CNTN5: variants seen among roughly 807,000 people sequenced by gnomAD.
The protein encoded by CNTN5 is contactin 5.
CNTN5 carries 77 observed loss-of-function variants against 129.1 expected under a neutral mutation model. That is an observed-to-expected ratio of 0.60 (90% CI 0.50 to 0.72). The LOEUF (loss-of-function observed/expected upper bound fraction) is 0.72, where lower values mean the gene tolerates loss of function less well. Ranked by LOEUF, CNTN5 falls within the 30% of genes least tolerant of loss-of-function variation. The pLI is 0.00. For missense variants in CNTN5, 1,478 were observed against 1,328.8 expected, an observed-to-expected ratio of 1.11 and a Z score of -1.75; for synonymous variants, 509 against 465.6, an observed-to-expected ratio of 1.09 and a Z score of -1.20.
intron 3 of CNTN5, among the ~76,000 whole-genome samples, chr11:99,735,007 C>CAAAACA (rs72075479): frequency 0.053 from 8,083 of 151,704 alleles, 324 homozygotes; most frequent in East Asian, 0.18. Flanking sequence ...GACTCCGTCT[C>CAAAACA]AAAACAAAAA....
intron 1 of CNTN5, among the ~76,000 whole-genome samples, chr11:99,023,207 C>T (rs1862962027): frequency 6.6e-6 from 1 of 152,178 alleles, no homozygotes; most frequent in African/African-American, 2.4e-5. Context: ...TGAATCTATA[C>T]ATAGAATATG....
At chr11:99,654,020 A>G (rs1952255393) in intron 3 of CNTN5, among the ~76,000 whole-genome samples, 1 of 152,086 alleles carries the variant, frequency 6.6e-6, no homozygotes, top group African/African-American at 2.4e-5. Flanking sequence ...GTACAAAACA[A>G]AATCAAAAAA....
chr11:100,110,186 A>T (rs1332117099), intron 13 of CNTN5, among the ~76,000 whole-genome samples: 3 of 129,760 alleles, frequency 2.3e-5, no homozygotes, highest in African/African-American at 1.0e-4. Context: ...GACCCTATCT[A>T]AAAAAAAAAA....
At chr11:99,619,327 T>C (rs1157686862) in intron 3 of CNTN5, among the ~76,000 whole-genome samples, 1 of 152,192 alleles carries the variant, frequency 6.6e-6, no homozygotes, top group Non-Finnish European at 1.5e-5. Context: ...GTTTGTAAAA[T>C]GTATTATAAT....
chr11:100,070,095 T>C (rs1337239870), intron 10 of CNTN5, among the ~76,000 whole-genome samples: 1 of 151,352 alleles, frequency 6.6e-6, no homozygotes, highest in Non-Finnish European at 1.5e-5. Flanking sequence ...GAAAGAGCAA[T>C]TGACTCTAGT....
chr11:100,111,779 T>A (rs989651771), intron 13 of CNTN5, among the ~76,000 whole-genome samples: 5 of 152,172 alleles, frequency 3.3e-5, no homozygotes, highest in African/African-American at 1.2e-4. Flanking sequence ...GCCTGTTGAT[T>A]AATATCTCCC....
intron 8 of CNTN5, among the ~76,000 whole-genome samples, chr11:99,966,495 C>G (rs767907138): frequency 3.9e-5 from 6 of 152,146 alleles, no homozygotes; most frequent in Admixed American, 6.5e-5. Context: ...AGAATGGTCA[C>G]CTTGGAGGGT....
intron 3 of CNTN5, among the ~76,000 whole-genome samples, chr11:99,710,205 C>T (rs1954915584): frequency 6.6e-6 from 1 of 151,658 alleles, no homozygotes; most frequent in African/African-American, 2.4e-5. Flanking sequence ...CTAGGGTCAC[C>T]GCTGTTGTTG....
At chr11:99,196,274 T>C (rs1211815282) in intron 1 of CNTN5, among the ~76,000 whole-genome samples, 1 of 151,980 alleles carries the variant, frequency 6.6e-6, no homozygotes, top group Non-Finnish European at 1.5e-5. Context: ...ATGGCACATA[T>C]TTTTACAATT....
chr11:99,589,588 T>A lies in CNTN5; in HGVS notation c.55+33319T>A, dbSNP rs1425550248. ...TAGTGAATACACATGTTAGTTCAAG[T>A]CACAAATTCCTTCCTATAAATATTT... On this transcript the variant is annotated intron_variant, in intron 3 of 24. Transcript: ENST00000524871. Among the ~76,000 whole-genome samples the A allele has an allele frequency of 3.9e-5, 6 of 152,308 alleles. No individual in the cohort carries two copies. The East Asian group carries it at 1.2e-3, about 29-fold the overall frequency.
At chr11:100,356,023 T>C (rs1952514616) in intron 24 of CNTN5, 94 bp from the exon 25 acceptor site, 3 of 765,742 alleles carry the variant, frequency 3.9e-6, no homozygotes, top group Non-Finnish European at 6.9e-6. Flanking sequence ...AGGAGCGATC[T>C]TGCACTCATT....
chr11:100,117,398 T>C (rs1945876154), intron 13 of CNTN5, among the ~76,000 whole-genome samples: 1 of 152,060 alleles, frequency 6.6e-6, no homozygotes, highest in Admixed American at 6.6e-5. Flanking sequence ...TAGTGTCTTA[T>C]TTATGTTATG....
At chr11:100,041,146 C>G (rs747760586) in intron 9 of CNTN5, among the ~76,000 whole-genome samples, 16 of 152,124 alleles carry the variant, frequency 1.1e-4, no homozygotes, top group African/African-American at 3.4e-4. Context: ...TAAATACACT[C>G]TTTTTCTCTC....
chr11:99,709,409 C>T (rs78151292), intron 3 of CNTN5, among the ~76,000 whole-genome samples: 43,488 of 151,438 alleles, frequency 0.29, 6,288 homozygotes, highest in South Asian at 0.34. Flanking sequence ...TTGAAAGTCT[C>T]AGTCTGTTTA....
intron 1 of CNTN5, among the ~76,000 whole-genome samples, chr11:99,220,543 C>G (rs1380422827): frequency 6.6e-6 from 1 of 151,736 alleles, no homozygotes; most frequent in African/African-American, 2.4e-5. Context: ...TAAATAAATG[C>G]AAGATCAAAA....
chr11:100,155,666 T>C (rs146655571), intron 13 of CNTN5, among the ~76,000 whole-genome samples: 1 of 152,098 alleles, frequency 6.6e-6, no homozygotes, highest in East Asian at 1.9e-4. Context: ...GGAATGTTTT[T>C]CCATTTGTTT....
chr11:99,679,476 G>A (rs757470891), intron 3 of CNTN5, among the ~76,000 whole-genome samples: 3 of 149,526 alleles, frequency 2.0e-5, no homozygotes, highest in Non-Finnish European at 2.9e-5. Flanking sequence ...TGTCTCTTAA[G>A]GAGATCTTTG....
chr11:100,060,640 C>CTTTTTTTTT (rs10700520), intron 9 of CNTN5, among the ~76,000 whole-genome samples: 2 of 137,422 alleles, frequency 1.5e-5, no homozygotes. Context: ...AATTTTTTTT[C>CTTTTTTTTT]TTTTTTTTTT....
At position 100,112,375 on chromosome 11, in the gene CNTN5, T is replaced by C. The variant is rs191091817; in HGVS notation, c.1580+38081T>C. On this transcript the variant is annotated intron_variant, in intron 13 of 24. Transcript: ENST00000524871. Reference sequence around the variant, plus strand: ...TGTTTTTTTACTGAAGCATAGTGCATATCACTGATGATATAAACACTGATA... The same window carrying C: ...TGTTTTTTTACTGAAGCATAGTGCACATCACTGATGATATAAACACTGATA... Among the ~76,000 whole-genome samples the C allele has an allele frequency of 4.4e-4, 67 of 152,302 alleles. 1 individual carries two copies. Among genetic ancestry groups the C allele is most frequent in the Middle Eastern group, 6.8e-3 (2 of 294 alleles).
Sources: gnomAD v4.1 joint callset for allele counts (sites outside exome capture counted in the v4.1 genomes callset) on GRCh38, gnomAD v4.1.1 for gene constraint, MANE v1.5 for transcripts, NCBI Gene and HGNC (gene_info 2026-07-23, HGNC 2026-07-21) for gene names.